THSD7B: variants seen among roughly 807,000 people sequenced by gnomAD.
THSD7B encodes thrombospondin type-1 domain-containing protein 7B.
A neutral mutation model predicts 213.6 loss-of-function variants in THSD7B; 138 were observed. That is an observed-to-expected ratio of 0.65 (90% confidence interval 0.56 to 0.74). THSD7B has a LOEUF of 0.74. Among genes scored for constraint, THSD7B ranks in the 30% least tolerant of loss-of-function variants. The pLI is 0.00. For missense variants in THSD7B, 1,931 were observed against 1,991.5 expected (o/e 0.97, Z 0.58); for synonymous variants, 742 against 687.0 (o/e 1.08, Z -1.25).
intron 14 of THSD7B, among the ~76,000 whole-genome samples, chr2:137,435,880 C>T (rs948490492): frequency 5.3e-5 from 8 of 152,030 alleles, no homozygotes; most frequent in African/African-American, 1.7e-4. Flanking sequence ...TTTGGGTCTC[C>T]GGATTCAGCC....
chr2:137,073,740 C>T (rs1687553189), intron 3 of THSD7B, among the ~76,000 whole-genome samples: 1 of 152,170 alleles, frequency 6.6e-6, no homozygotes, highest in South Asian at 2.1e-4. Context: ...AAATTTCCCT[C>T]TACACACTGC....
chr2:137,005,850 T>C (rs1293245332), intron 2 of THSD7B, among the ~76,000 whole-genome samples: 5 of 152,158 alleles, frequency 3.3e-5, no homozygotes, highest in Admixed American at 1.3e-4. Flanking sequence ...AATTACATAG[T>C]TTTGGGTGTT....
At chr2:136,891,916 A>G (rs1363843259) in intron 2 of THSD7B, among the ~76,000 whole-genome samples, 1 of 152,102 alleles carries the variant, frequency 6.6e-6, no homozygotes, top group Admixed American at 6.5e-5. Flanking sequence ...CTCTTGTGCC[A>G]TTGTAATCAG....
In THSD7B at chr2:137,147,360, C is replaced by T. The variant is rs141536132; in HGVS notation, c.1370-12853C>T. On this transcript the variant is annotated intron_variant, in intron 5 of 27. Transcript: ENST00000409968. ...GGACCTAGTGAATCCCATGAGCCTT[C>T]CTTTGAAGCTGAGTTAACTTGTTTA... Among the ~76,000 whole-genome samples, 218 of 152,164 alleles carry T rather than the reference C, an allele frequency of 1.4e-3. 2 individuals are homozygous for T. Among genetic ancestry groups the T allele is most frequent in the African/African-American group, 4.8e-3 (198 of 41,520 alleles).
intron 3 of THSD7B, among the ~76,000 whole-genome samples, chr2:137,083,988 C>A (rs990526904): frequency 6.6e-6 from 1 of 152,042 alleles, no homozygotes; most frequent in Non-Finnish European, 1.5e-5. Flanking sequence ...GTTCTATAAA[C>A]AAATATTACA....
intron 12 of THSD7B, among the ~76,000 whole-genome samples, chr2:137,387,137 G>A (rs1244502983): frequency 6.6e-6 from 1 of 152,210 alleles, no homozygotes; most frequent in African/African-American, 2.4e-5. Flanking sequence ...GCTGAACTCA[G>A]TTCTCTGTGT....
chr2:137,602,896 T>G (rs930750517), intron 17 of THSD7B, among the ~76,000 whole-genome samples: 1 of 152,172 alleles, frequency 6.6e-6, no homozygotes, highest in Non-Finnish European at 1.5e-5. Context: ...GTGCCACATG[T>G]CTGTATCTAC....
chr2:137,263,819 A>G (rs1377196791), intron 10 of THSD7B, among the ~76,000 whole-genome samples: 2 of 152,202 alleles, frequency 1.3e-5, no homozygotes, highest in Non-Finnish European at 2.9e-5. Flanking sequence ...AAGGAAGTCT[A>G]TAAAACCTTC....
At chr2:137,271,366 G>T (rs1005497056) in intron 10 of THSD7B, among the ~76,000 whole-genome samples, 7 of 142,082 alleles carry the variant, frequency 4.9e-5, no homozygotes, top group Non-Finnish European at 7.5e-5. Context: ...GCCTGAAATG[G>T]CTTCATTCAT....
At chr2:137,437,996 A>G (rs987750868) in intron 14 of THSD7B, among the ~76,000 whole-genome samples, 5 of 152,148 alleles carry the variant, frequency 3.3e-5, no homozygotes, top group South Asian at 2.1e-4. Flanking sequence ...TCAAAATGAA[A>G]CTGTCTTCCC....
chr2:137,369,155 A>ATC (rs1685486775), intron 12 of THSD7B, among the ~76,000 whole-genome samples: 1 of 149,852 alleles, frequency 6.7e-6, no homozygotes, highest in African/African-American at 2.5e-5. Context: ...GGGACCATAT[A>ATC]TATATATATA....
At chr2:137,126,115 G>A (rs1688624904) in intron 5 of THSD7B, among the ~76,000 whole-genome samples, 1 of 152,138 alleles carries the variant, frequency 6.6e-6, no homozygotes, top group African/African-American at 2.4e-5. Flanking sequence ...TTGGAATGGT[G>A]AATGGGCACT....
At chr2:136,945,402 AT>A (rs1684919531) in intron 2 of THSD7B, among the ~76,000 whole-genome samples, 2 of 151,752 alleles carry the variant, frequency 1.3e-5, no homozygotes, top group East Asian at 1.9e-4. Context: ...TGCCCTTAAC[AT>A]TTTTTCCTTG....
chr2:137,160,879 C>T (rs912815974), intron 6 of THSD7B, among the ~76,000 whole-genome samples: 1 of 152,158 alleles, frequency 6.6e-6, no homozygotes, highest in African/African-American at 2.4e-5. Flanking sequence ...ACGTCAGTCT[C>T]CTAAAGTGCT....
At chr2:137,553,020 A>G (rs183619752) in intron 15 of THSD7B, among the ~76,000 whole-genome samples, 3,538 of 151,834 alleles carry the variant, frequency 0.023, 157 homozygotes, top group African/African-American at 0.082. Context: ...AGCTCACAAC[A>G]TTTGGAGAAG....
chr2:137,519,862 A>G (rs926335359), intron 15 of THSD7B, among the ~76,000 whole-genome samples: 16 of 152,334 alleles, frequency 1.1e-4, no homozygotes, highest in African/African-American at 3.6e-4. Context: ...AAACAACTTT[A>G]TTTGATCACT....
intron 12 of THSD7B, among the ~76,000 whole-genome samples, chr2:137,372,613 G>T (rs965294553): frequency 5.3e-5 from 8 of 152,152 alleles, no homozygotes; most frequent in East Asian, 3.9e-4. Context: ...AAGGCATTAA[G>T]CTTTGTCTGG....
chr2:137,331,706 G>A (rs909575515), intron 12 of THSD7B, among the ~76,000 whole-genome samples: 1 of 152,314 alleles, frequency 6.6e-6, no homozygotes, highest in East Asian at 1.9e-4. Flanking sequence ...CCATGGAGGG[G>A]GTGGGAGACT....
intron 5 of THSD7B, among the ~76,000 whole-genome samples, chr2:137,157,573 C>T (rs1679934355): frequency 6.6e-6 from 1 of 151,972 alleles, no homozygotes. Flanking sequence ...AGAGAAGTGT[C>T]CTATGCAGGG....
Sources: allele counts gnomAD v4.1 joint callset (sites outside exome capture counted in the v4.1 genomes callset), GRCh38; gene constraint gnomAD v4.1.1; transcripts MANE v1.5; gene names NCBI Gene and HGNC (gene_info 2026-07-23, HGNC 2026-07-21).